Variants in CYP3A7 observed in about 807,000 individuals in gnomAD.
The protein encoded by CYP3A7 is cytochrome P450 3A7.
Under a neutral mutation model 55.2 loss-of-function variants are expected in CYP3A7, and 45 were observed. The ratio of observed to expected loss-of-function variants is 0.82; its 90% confidence interval spans 0.64 to 1.05. The LOEUF is 1.05. CYP3A7 is among the 50% of genes least tolerant of loss of function. CYP3A7 has a pLI of 0.00. For missense variants in CYP3A7, 548 were observed against 605.3 expected, an observed-to-expected ratio of 0.91 and a Z score of 0.99; for synonymous variants, 180 against 207.4, an observed-to-expected ratio of 0.87 and a Z score of 1.13.
chr7:99,733,152 G>A (rs890026508), intron 1 of CYP3A7, among the ~76,000 whole-genome samples: 3 of 152,316 alleles, frequency 2.0e-5, no homozygotes. Context: ...GGTGGCCTTG[G>A]GTTTTCCCAC....
chr7:99,715,605 G>A (rs1172350449), intron 7 of CYP3A7, 153 bp downstream of exon 7: 3 of 1,354,278 alleles, frequency 2.2e-6, no homozygotes, highest in Non-Finnish European at 3.1e-6. Flanking sequence ...GTGTTTTAAA[G>A]TTTACAATGG....
In CYP3A7 at chr7:99,705,355, G is replaced by T; in HGVS notation, c.*145C>A. On this transcript the variant is annotated 3_prime_UTR_variant, in exon 13 of 13. Coordinates refer to ENST00000336374, the MANE Select transcript of CYP3A7 (RefSeq NM_000765.5). ...TATACAGACCATGAGAGAGCACAATGCACGTACAGAATCCCTGATTATTTA... is the reference window on the plus strand; with the variant it reads ...TATACAGACCATGAGAGAGCACAATTCACGTACAGAATCCCTGATTATTTA... 1.1e-6 allele frequency: 1 copy of T among 884,864 alleles called. No individual in the cohort carries two copies. The highest frequency in any genetic ancestry group is 1.8e-6 in the Non-Finnish European group (1 of 561,186). 54.8% of individuals were successfully genotyped at this position (884,864 alleles called of 1,614,324 possible).
intron 2 of CYP3A7, among the ~76,000 whole-genome samples, chr7:99,725,406 G>C (rs1242897066): frequency 1.3e-5 from 2 of 152,180 alleles, no homozygotes; most frequent in Admixed American, 6.5e-5. Context: ...AAGTGACAAT[G>C]CATCTCTGAA....
intron 2 of CYP3A7, among the ~76,000 whole-genome samples, chr7:99,724,586 C>T (rs750685020): frequency 4.6e-5 from 7 of 152,066 alleles, no homozygotes; most frequent in South Asian, 2.1e-4. Context: ...CTCACCAGGC[C>T]AAGCCAGGTC....
Position 99,720,393 on chromosome 7 carries a change from G to C in CYP3A7, c.238C>G (p.Pro80Ala). Residue 80 changes from proline to alanine, a missense_variant, in exon 4 of 13, where the codon CCT becomes GCT. Physicochemically the swap from Pro to Ala is conservative, Grantham distance 27. Transcript: ENST00000336374. ...KVWGIYDCQQPMLAITDPDMI... is the reference protein window; with the variant it reads ...KVWGIYDCQQAMLAITDPDMI... ...TCGGGATCTGTGATAGCCAGCATAG[G>C]CTGTTGACAGTCATAAATACTGTGT... 1 of 1,613,694 alleles carries C rather than the reference G, an allele frequency of 6.2e-7. No individual in the cohort carries two copies. Among genetic ancestry groups the C allele is most frequent in the Non-Finnish European group, 8.5e-7 (1 of 1,179,684 alleles).
intron 3 of CYP3A7, among the ~76,000 whole-genome samples, chr7:99,721,717 C>T (rs1172371445): frequency 2.0e-5 from 3 of 151,796 alleles, no homozygotes; most frequent in Non-Finnish European, 4.4e-5. Context: ...CGAGTGTGAA[C>T]ATTGTGAGAA....
In CYP3A7 at chr7:99,715,960, C is replaced by A. The variant is rs187539002; in HGVS notation, c.522-54G>T. The A allele has an allele frequency of 1.6e-5, 26 of 1,611,992 alleles. 2 individuals are homozygous for A. The South Asian group carries it at 1.6e-4, about 10-fold the overall frequency. ...AATCAGCACCTCTTTACCATCCTTC[C>A]TCTATGCGTGCAGCAGGAAATCCAC... On this transcript the variant is annotated intron_variant, in intron 6 of 12. Coordinates refer to ENST00000336374, the MANE Select transcript of CYP3A7 (RefSeq NM_000765.5).
chr7:99,717,500 A>G (rs770996206), intron 5 of CYP3A7, 26 bp downstream of exon 5: 1 of 1,612,804 alleles, frequency 6.2e-7, no homozygotes, highest in South Asian at 1.1e-5. Context: ...TTAAGTTTCT[A>G]ATTAAAACCC....
chr7:99,717,829 T>C (rs1401372129), intron 4 of CYP3A7, among the ~76,000 whole-genome samples, 190 bp from the exon 5 acceptor site: 4 of 152,222 alleles, frequency 2.6e-5, no homozygotes, highest in East Asian at 1.9e-4. Flanking sequence ...GTCTCCAGCC[T>C]GTATATCCCA....
chr7:99,711,060 C>T (rs1182177532), intron 9 of CYP3A7, among the ~76,000 whole-genome samples, 168 bp from the exon 10 acceptor site: 6 of 152,104 alleles, frequency 3.9e-5, no homozygotes, highest in African/African-American at 1.4e-4. Context: ...CTTACAGAGC[C>T]AGAACAAGGC....
At chr7:99,715,688 T>C in intron 7 of CYP3A7, 70 bp downstream of exon 7, 1 of 1,609,208 alleles carries the variant, frequency 6.2e-7, no homozygotes. Flanking sequence ...AATTACATGG[T>C]GATTTACATC....
intron 1 of CYP3A7, among the ~76,000 whole-genome samples, chr7:99,734,167 A>C (rs1252252253): frequency 6.6e-6 from 1 of 152,202 alleles, no homozygotes; most frequent in Non-Finnish European, 1.5e-5. Flanking sequence ...AACTCACTGA[A>C]TTGCTAACTT....
At chr7:99,720,147 T>C (rs1814138058) in intron 4 of CYP3A7, among the ~76,000 whole-genome samples, 166 bp downstream of exon 4, 1 of 152,214 alleles carries the variant, frequency 6.6e-6, no homozygotes. Flanking sequence ...ACTGTATTTA[T>C]AGTTATGCAA....
chr7:99,723,114 C>T (rs1054714658), intron 2 of CYP3A7, among the ~76,000 whole-genome samples: 1 of 152,070 alleles, frequency 6.6e-6, no homozygotes, highest in African/African-American at 2.4e-5. Context: ...CTTGGGGGTA[C>T]ATCTACTAAA....
At chr7:99,710,648 T>G (rs1256619126) in intron 10 of CYP3A7, 84 bp downstream of exon 10, 4 of 1,604,362 alleles carry the variant, frequency 2.5e-6, no homozygotes, top group Non-Finnish European at 3.4e-6. Flanking sequence ...ATGCTTTTTA[T>G]AAAAATTCTC....
In CYP3A7 at chr7:99,715,653, T is replaced by C. The variant is rs1813914303; in HGVS notation, c.670+105A>G. 4.4e-6 allele frequency: 7 copies of C among 1,578,964 alleles called. No individual in the cohort carries two copies. The South Asian group carries it at 6.7e-5, about 15-fold the overall frequency. On this transcript the variant is annotated intron_variant, in intron 7 of 12. Transcript: ENST00000336374. Reference sequence around the variant, plus strand: ...ATATCTTCAAATGTACTACAAACCATTAAACTGTACATTTTAAGTGGATGA... The same window carrying C: ...ATATCTTCAAATGTACTACAAACCACTAAACTGTACATTTTAAGTGGATGA...
At chr7:99,714,032 C>A (rs1445926774) in intron 8 of CYP3A7, among the ~76,000 whole-genome samples, 2 of 152,194 alleles carry the variant, frequency 1.3e-5, no homozygotes, top group African/African-American at 4.8e-5. Flanking sequence ...AGTTAGCCAG[C>A]CTTGCAGCCT....
Position 99,709,262 on chromosome 7 carries a change from C to A in CYP3A7, c.1027-1G>T, listed in dbSNP as rs751972449. ...GCACAGTATCATAGGTGGGTGGTGC[C>A]TGAAAAGAAAGAAACAGATTTGGAT... On this transcript the variant is annotated splice_acceptor_variant, in intron 10 of 12. Transcript: ENST00000336374. LOFTEE classifies it high-confidence loss of function. 6.2e-6 allele frequency: 10 copies of A among 1,613,416 alleles called. No homozygotes were observed. In the East Asian group the frequency reaches 2.2e-4, roughly 36 times the overall value.
chr7:99,730,697 C>A, intron 2 of CYP3A7: 1 of 241,134 alleles, frequency 4.1e-6, no homozygotes, highest in Non-Finnish European at 8.1e-6. Flanking sequence ...AAGCCACAAT[C>A]AGGGGCTCCT....
Sources: allele counts gnomAD v4.1 joint callset (sites outside exome capture counted in the v4.1 genomes callset), GRCh38; gene constraint gnomAD v4.1.1; transcripts MANE v1.5; gene names NCBI Gene and HGNC (gene_info 2026-07-23, HGNC 2026-07-21).